Variants in GLIS3 observed in about 807,000 individuals in gnomAD.
GLIS3 encodes GLIS family zinc finger 3.
In GLIS3, 53 loss-of-function variants were observed where a neutral mutation model predicts 78.6. The ratio of observed to expected loss-of-function variants is 0.67; its 90% CI spans 0.54 to 0.85. GLIS3 has a LOEUF of 0.85. GLIS3 is among the 40% of genes least tolerant of loss of function. The pLI, the probability that GLIS3 is intolerant of heterozygous loss-of-function variation, is 0.00. For missense variants in GLIS3, 1,703 were observed against 1,231.1 expected, an observed-to-expected ratio of 1.38 and a Z score of -5.74; for synonymous variants, 684 against 509.9, an observed-to-expected ratio of 1.34 and a Z score of -4.60.
intron 4 of GLIS3, among the ~76,000 whole-genome samples, chr9:3,998,705 T>C (rs923344140): frequency 7.3e-5 from 11 of 150,844 alleles, no homozygotes; most frequent in African/African-American, 2.7e-4. Context: ...TCTGTTTCCA[T>C]TCAGTTTTAA....
intron 2 of GLIS3, among the ~76,000 whole-genome samples, chr9:4,214,758 T>C (rs569671943): frequency 6.6e-6 from 1 of 152,366 alleles, no homozygotes; most frequent in East Asian, 1.9e-4. Flanking sequence ...CCTTAGCTAC[T>C]GTGGCTTGTT....
intron 6 of GLIS3, among the ~76,000 whole-genome samples, chr9:3,913,067 G>A (rs1381853487): frequency 1.3e-5 from 2 of 152,062 alleles, no homozygotes; most frequent in African/African-American, 4.8e-5. Flanking sequence ...CATCTTACCA[G>A]CTCCGTATTG....
At chr9:4,324,967 T>C (rs1294464093) in intron 2 of GLIS3, among the ~76,000 whole-genome samples, 1 of 152,236 alleles carries the variant, frequency 6.6e-6, no homozygotes, top group African/African-American at 2.4e-5. Context: ...TGCTAGGTAA[T>C]ATGTCAAATA....
chr9:4,257,436 T>C (rs760707793), intron 2 of GLIS3, among the ~76,000 whole-genome samples: 3 of 152,182 alleles, frequency 2.0e-5, no homozygotes, highest in Non-Finnish European at 4.4e-5. Flanking sequence ...TAATATTGTA[T>C]TGCATATTGG....
At chr9:3,988,980 T>A (rs959648125) in intron 4 of GLIS3, among the ~76,000 whole-genome samples, 1 of 152,056 alleles carries the variant, frequency 6.6e-6, no homozygotes, top group Admixed American at 6.6e-5. Flanking sequence ...ACAGAGAGAC[T>A]GGGGAAAACA....
At chr9:3,967,303 A>C (rs1281136420) in intron 4 of GLIS3, among the ~76,000 whole-genome samples, 3 of 152,182 alleles carry the variant, frequency 2.0e-5, no homozygotes, top group Non-Finnish European at 4.4e-5. Flanking sequence ...CAGGAGTTCA[A>C]GACCAGCCTG....
In GLIS3 at chr9:3,971,764, T is replaced by C. The variant is rs574698160; in HGVS notation, c.1711-34575A>G. Among the ~76,000 whole-genome samples the C allele has an allele frequency of 1.5e-3, 230 of 152,330 alleles. 1 individual carries two copies. Among genetic ancestry groups the C allele is most frequent in the African/African-American group, 5.4e-3 (223 of 41,588 alleles). On this transcript the variant is annotated intron_variant, in intron 4 of 10. Transcript: ENST00000381971. The stretch of plus-strand genomic sequence containing the variant: ...AAAGCACTGTCTTGTATTTAACTGA[T>C]GATTGGCTCCAGCAATTAAATCCTA...
At chr9:4,254,804 C>T (rs911809533) in intron 2 of GLIS3, among the ~76,000 whole-genome samples, 2 of 148,630 alleles carry the variant, frequency 1.3e-5, no homozygotes, top group African/African-American at 2.5e-5. Flanking sequence ...CGTGCCACTG[C>T]ACTCCAGCCT....
chr9:4,013,426 A>T (rs928045190), intron 4 of GLIS3, among the ~76,000 whole-genome samples: 2 of 152,224 alleles, frequency 1.3e-5, no homozygotes, highest in African/African-American at 4.8e-5. Flanking sequence ...ATACTTTCTT[A>T]TGATATAATC....
intron 2 of GLIS3, among the ~76,000 whole-genome samples, chr9:4,240,846 G>A (rs1401718642): frequency 2.0e-5 from 3 of 151,766 alleles, no homozygotes; most frequent in African/African-American, 7.3e-5. Context: ...ATGTACCCCT[G>A]AAATTAAAAT....
At chr9:4,016,269 A>C (rs1822430040) in intron 4 of GLIS3, among the ~76,000 whole-genome samples, 1 of 152,214 alleles carries the variant, frequency 6.6e-6, no homozygotes. Flanking sequence ...CTGAAGCTCT[A>C]TTATATGGAG....
At chr9:3,900,470 T>TA (rs1184747082) in intron 6 of GLIS3, among the ~76,000 whole-genome samples, 1 of 49,648 alleles carries the variant, frequency 2.0e-5, no homozygotes, top group Non-Finnish European at 4.3e-5. Flanking sequence ...CCAGAGGTGT[T>TA]AAAGAAGATT....
the GLIS3 span, among the ~76,000 whole-genome samples, chr9:4,447,954 G>A: frequency 6.6e-6 from 1 of 151,662 alleles, no homozygotes. Context: ...CTCTCAATAT[G>A]TTGCCCAGAC....
At chr9:4,128,181 C>A (rs139149366) in intron 2 of GLIS3, among the ~76,000 whole-genome samples, 44 of 152,310 alleles carry the variant, frequency 2.9e-4, no homozygotes, top group Admixed American at 6.5e-4. Context: ...ACTTATCCAC[C>A]TAGTGAGCAC....
At chr9:4,084,775 G>T (rs575651714) in intron 4 of GLIS3, among the ~76,000 whole-genome samples, 3 of 152,064 alleles carry the variant, frequency 2.0e-5, no homozygotes, top group African/African-American at 4.8e-5. Context: ...CTTCCTCCTC[G>T]TGTGGACTGA....
At chr9:4,031,102 G>C (rs1335084826) in intron 4 of GLIS3, among the ~76,000 whole-genome samples, 3 of 152,064 alleles carry the variant, frequency 2.0e-5, no homozygotes, top group Admixed American at 1.3e-4. Context: ...TCTTCAAAAA[G>C]TTAAATAGAA....
intron 7 of GLIS3, among the ~76,000 whole-genome samples, chr9:3,887,223 G>A (rs532568728): frequency 1.3e-5 from 2 of 152,246 alleles, no homozygotes; most frequent in East Asian, 3.9e-4. Context: ...TCGGGTGGCT[G>A]TCAGACTAAA....
the GLIS3 span, among the ~76,000 whole-genome samples, chr9:4,397,035 T>C: frequency 4.7e-5 from 7 of 147,644 alleles, no homozygotes; most frequent in African/African-American, 1.7e-4. Context: ...TTTTTTTTTT[T>C]TTTTTTTTGA....
At chr9:4,129,936 G>C (rs913885692) in intron 2 of GLIS3, among the ~76,000 whole-genome samples, 1 of 152,192 alleles carries the variant, frequency 6.6e-6, no homozygotes, top group South Asian at 2.1e-4. Context: ...GGACAGTGAA[G>C]TCCAGGCTGA....
Sources: allele counts gnomAD v4.1 joint callset (sites outside exome capture counted in the v4.1 genomes callset), GRCh38; gene constraint gnomAD v4.1.1; transcripts MANE v1.5; gene names NCBI Gene and HGNC (gene_info 2026-07-23, HGNC 2026-07-21).